Variants in FMNL2 observed in about 807,000 individuals in gnomAD.
FMNL2 encodes formin-like protein 2.
Under a neutral mutation model 130.2 loss-of-function variants are expected in FMNL2, and 51 were observed. The ratio of observed to expected loss-of-function variants is 0.39; its 90% confidence interval spans 0.31 to 0.49. The LOEUF is 0.49. FMNL2 is among the 20% of genes least tolerant of loss of function. FMNL2 has a pLI of 0.85. For missense variants in FMNL2, 977 were observed against 1,316.2 expected, an observed-to-expected ratio of 0.74 and a Z score of 3.99; for synonymous variants, 465 against 467.1, an observed-to-expected ratio of 1.00 and a Z score of 0.06.
intron 6 of FMNL2, among the ~76,000 whole-genome samples, chr2:152,565,328 A>G (rs1255255208): frequency 6.6e-6 from 1 of 152,184 alleles, no homozygotes; most frequent in Non-Finnish European, 1.5e-5. Flanking sequence ...TCCTCAGGGT[A>G]AGGAAAGGTT....
At chr2:152,482,139 G>A (rs1295920766) in intron 1 of FMNL2, among the ~76,000 whole-genome samples, 2 of 152,128 alleles carry the variant, frequency 1.3e-5, no homozygotes, top group East Asian at 3.8e-4. Flanking sequence ...ATGACAGGTC[G>A]CTATAAAAGT....
At chr2:152,545,317 C>G (rs1041212814) in intron 3 of FMNL2, among the ~76,000 whole-genome samples, 1 of 152,116 alleles carries the variant, frequency 6.6e-6, no homozygotes, top group Non-Finnish European at 1.5e-5. Flanking sequence ...GCCAGACAGT[C>G]TAGGTTGGGC....
chr2:152,438,334 C>G (rs1248221364), intron 1 of FMNL2, among the ~76,000 whole-genome samples: 1 of 152,140 alleles, frequency 6.6e-6, no homozygotes, highest in Non-Finnish European at 1.5e-5. Flanking sequence ...GAAGTAAAAG[C>G]ATGGCAAATT....
At chr2:152,558,603 G>A (rs1695353534) in intron 4 of FMNL2, 137 bp from the exon 5 acceptor site, 1 of 715,182 alleles carries the variant, frequency 1.4e-6, no homozygotes, top group Non-Finnish European at 2.3e-6. Context: ...ATGTGAAGTA[G>A]TCTAGGCCTT....
rs538733199 is a variant in FMNL2, at chr2:152,512,551, G to C, written c.118-9392G>C. Reference sequence around the variant, plus strand: ...TCTGTATTGATGATAATCTGGCCTTGCAATTAAATAAATACCATAAACATA... The same window carrying C: ...TCTGTATTGATGATAATCTGGCCTTCCAATTAAATAAATACCATAAACATA... On this transcript the variant is annotated intron_variant, in intron 1 of 25. Coordinates refer to ENST00000288670, the MANE Select transcript of FMNL2 (RefSeq NM_052905.4). Among the ~76,000 whole-genome samples the C allele has an allele frequency of 2.0e-5, 3 of 152,222 alleles. No individual in the cohort carries two copies. The East Asian group carries it at 5.8e-4, about 29-fold the overall frequency.
At chr2:152,477,642 CT>C (rs1400674680) in intron 1 of FMNL2, among the ~76,000 whole-genome samples, 2 of 152,076 alleles carry the variant, frequency 1.3e-5, no homozygotes, top group Non-Finnish European at 2.9e-5. Flanking sequence ...TTCTCAGGTC[CT>C]AGCCAATACA....
At chr2:152,404,537 G>A (rs1295077339) in intron 1 of FMNL2, among the ~76,000 whole-genome samples, 1 of 152,200 alleles carries the variant, frequency 6.6e-6, no homozygotes, top group Admixed American at 6.5e-5. Context: ...TGATGGCTGA[G>A]TGAGTGAATG....
At chr2:152,535,547 T>C (rs1437902966) in intron 2 of FMNL2, among the ~76,000 whole-genome samples, 2 of 152,254 alleles carry the variant, frequency 1.3e-5, no homozygotes, top group African/African-American at 4.8e-5. Context: ...TTGTGCTTTT[T>C]ACAGTGTCTT....
intron 1 of FMNL2, among the ~76,000 whole-genome samples, chr2:152,457,879 T>C (rs1212970080): frequency 6.6e-6 from 1 of 152,176 alleles, no homozygotes; most frequent in Non-Finnish European, 1.5e-5. Context: ...CCTTCCTCCA[T>C]ATTCAATGCA....
chr2:152,517,124 G>T (rs998359599), intron 1 of FMNL2, among the ~76,000 whole-genome samples: 1 of 152,002 alleles, frequency 6.6e-6, no homozygotes. Context: ...GGCAGAAGAC[G>T]CTCATTTTTC....
At chr2:152,642,141 C>T (rs948481696) in intron 25 of FMNL2, among the ~76,000 whole-genome samples, 3 of 152,072 alleles carry the variant, frequency 2.0e-5, no homozygotes, top group Non-Finnish European at 4.4e-5. Flanking sequence ...GGGGTTTCAC[C>T]GTGTTAGCCA....
chr2:152,624,528 T>A (rs994731800), intron 15 of FMNL2, among the ~76,000 whole-genome samples: 2 of 152,082 alleles, frequency 1.3e-5, no homozygotes, highest in Admixed American at 6.5e-5. Context: ...TACCCCTTTT[T>A]TCACTCTGTT....
At chr2:152,591,858 A>C (rs1697463370) in intron 9 of FMNL2, among the ~76,000 whole-genome samples, 1 of 152,000 alleles carries the variant, frequency 6.6e-6, no homozygotes, top group Admixed American at 6.6e-5. Flanking sequence ...TAATCCCAAA[A>C]CTTTGGGAGG....
intron 1 of FMNL2, among the ~76,000 whole-genome samples, chr2:152,384,642 G>A (rs1684683434): frequency 6.6e-6 from 1 of 152,162 alleles, no homozygotes; most frequent in Admixed American, 6.5e-5. Context: ...CTTCTCCTCG[G>A]TTCAGTGGAG....
At chr2:152,568,656 A>T (rs1020666407) in intron 6 of FMNL2, among the ~76,000 whole-genome samples, 3 of 152,196 alleles carry the variant, frequency 2.0e-5, no homozygotes, top group African/African-American at 7.2e-5. Flanking sequence ...TCCTAGTGGA[A>T]GGGGAAACAA....
At chr2:152,502,542 C>T (rs1691905316) in intron 1 of FMNL2, among the ~76,000 whole-genome samples, 1 of 152,136 alleles carries the variant, frequency 6.6e-6, no homozygotes, top group South Asian at 2.1e-4. Flanking sequence ...CAAAAATTAG[C>T]CAGGTGTGAT....
intron 1 of FMNL2, among the ~76,000 whole-genome samples, chr2:152,511,897 A>G (rs1226042579): frequency 6.6e-6 from 1 of 152,134 alleles, no homozygotes; most frequent in African/African-American, 2.4e-5. Context: ...CTTGATATCT[A>G]ATATGTTACA....
At chr2:152,484,001 A>G (rs763427891) in intron 1 of FMNL2, among the ~76,000 whole-genome samples, 5 of 152,174 alleles carry the variant, frequency 3.3e-5, no homozygotes, top group Non-Finnish European at 5.9e-5. Context: ...TTAGTGCTTA[A>G]TGTATGCTGA....
chr2:152,647,747 C>A, intron 25 of FMNL2, 49 bp from the exon 26 acceptor site: 1 of 1,570,878 alleles, frequency 6.4e-7, no homozygotes, highest in Non-Finnish European at 8.8e-7. Context: ...TGCTTAGACA[C>A]ATGCTATTAA....
Sources: gnomAD v4.1 joint callset for allele counts (sites outside exome capture counted in the v4.1 genomes callset) on GRCh38, gnomAD v4.1.1 for gene constraint, MANE v1.5 for transcripts, NCBI Gene and HGNC (gene_info 2026-07-23, HGNC 2026-07-21) for gene names.